GPHN: variants seen among roughly 807,000 people sequenced by gnomAD.
GPHN encodes gephyrin.
GPHN carries 17 observed loss-of-function variants against 95.5 expected under a neutral mutation model. That is an observed-to-expected ratio of 0.18 (90% CI 0.12 to 0.27). GPHN has a LOEUF of 0.27. Among genes scored for constraint, GPHN ranks in the 10% least tolerant of loss-of-function variants. The probability of loss-of-function intolerance (pLI) is 1.00; values close to 1 mark genes in which losing one functional copy is unlikely to be tolerated. For missense variants in GPHN, 660 were observed against 978.1 expected (o/e 0.67, Z 4.34); for synonymous variants, 320 against 322.5 (o/e 0.99, Z 0.08).
At chr14:66,532,314 C>T (rs1275757799) in intron 1 of GPHN, among the ~76,000 whole-genome samples, 2 of 152,124 alleles carry the variant, frequency 1.3e-5, no homozygotes, top group African/African-American at 4.8e-5. Flanking sequence ...CTTTGGTTCT[C>T]CTACATGTGG....
intron 3 of GPHN, among the ~76,000 whole-genome samples, chr14:66,804,783 A>G (rs982273790): frequency 6.6e-6 from 1 of 152,194 alleles, no homozygotes; most frequent in East Asian, 1.9e-4. Context: ...TAAAAGCAGC[A>G]TTTTTATAAT....
chr14:67,442,047 A>G, the GPHN span: 1 of 153,078 alleles, frequency 6.5e-6, no homozygotes, highest in Non-Finnish European at 1.5e-5. Flanking sequence ...TTTTAAAATT[A>G]GAAGAAGATG....
chr14:67,174,063 T>A (rs2082757086), intron 21 of GPHN, among the ~76,000 whole-genome samples: 1 of 152,184 alleles, frequency 6.6e-6, no homozygotes, highest in South Asian at 2.1e-4. Context: ...TTACGAGCCA[T>A]CATTAAGTCA....
the GPHN span, among the ~76,000 whole-genome samples, chr14:67,308,578 C>G: frequency 7.0e-5 from 10 of 141,848 alleles, no homozygotes. Flanking sequence ...CAGAGTTTCA[C>G]TCTGTTGTCC....
At chr14:66,828,933 G>A (rs2061480712) in intron 4 of GPHN, among the ~76,000 whole-genome samples, 1 of 149,858 alleles carries the variant, frequency 6.7e-6, no homozygotes, top group Non-Finnish European at 1.5e-5. Flanking sequence ...TGGTTCATCT[G>A]ATACTTGCAT....
At chr14:67,621,276 T>A in the GPHN span, among the ~76,000 whole-genome samples, 1 of 152,152 alleles carries the variant, frequency 6.6e-6, no homozygotes, top group Non-Finnish European at 1.5e-5. Flanking sequence ...CCCTTAAAAT[T>A]CCATTTTCCT....
At chr14:66,744,312 G>A (rs1305321917) in intron 2 of GPHN, among the ~76,000 whole-genome samples, 1 of 152,108 alleles carries the variant, frequency 6.6e-6, no homozygotes, top group African/African-American at 2.4e-5. Context: ...CCTTTTCTCA[G>A]GGAAGGAAGA....
At chr14:67,577,879 C>T in the GPHN span, 1 of 678,864 alleles carries the variant, frequency 1.5e-6, no homozygotes, top group East Asian at 2.7e-5. Context: ...CAGAGATGCC[C>T]TCCAACAGTA....
intron 10 of GPHN, among the ~76,000 whole-genome samples, chr14:67,042,214 C>T (rs2074744706): frequency 6.6e-6 from 1 of 152,118 alleles, no homozygotes; most frequent in Admixed American, 6.5e-5. Flanking sequence ...TTTTGCTGTG[C>T]AGAAGCTCTT....
At chr14:67,158,792 A>G (rs2081780712) in intron 18 of GPHN, among the ~76,000 whole-genome samples, 1 of 152,186 alleles carries the variant, frequency 6.6e-6, no homozygotes, top group African/African-American at 2.4e-5. Context: ...ACTAGAATAT[A>G]AAGTTGGAGT....
the GPHN span, chr14:67,651,388 A>G: frequency 4.5e-5 from 72 of 1,613,722 alleles, no homozygotes; most frequent in African/African-American, 8.5e-4. Context: ...TAGAAGTTCA[A>G]TGGCTGCGAA....
chr14:67,573,502 G>A, the GPHN span: 9 of 750,366 alleles, frequency 1.2e-5, no homozygotes, highest in East Asian at 2.1e-4. The surrounding 1 kb of genome is among the most constrained non-coding windows in gnomAD (Gnocchi z 4.8). Flanking sequence ...CAAAGGTCTG[G>A]CAGGTGGGGA....
intron 2 of GPHN, among the ~76,000 whole-genome samples, chr14:66,756,067 T>C (rs941950178): frequency 2.6e-5 from 4 of 152,182 alleles, no homozygotes; most frequent in African/African-American, 9.7e-5. Flanking sequence ...CTCCTTTACC[T>C]CTAACCCCAG....
chr14:67,249,680 A>G, the GPHN span, among the ~76,000 whole-genome samples: 1 of 152,210 alleles, frequency 6.6e-6, no homozygotes, highest in African/African-American at 2.4e-5. Flanking sequence ...AATTGGCTTC[A>G]CAATTTGAGA....
At chr14:67,143,590 G>C in intron 18 of GPHN, 141 bp downstream of exon 18, 2 of 721,994 alleles carry the variant, frequency 2.8e-6, no homozygotes, top group Non-Finnish European at 5.1e-6. Flanking sequence ...GAAATTACTG[G>C]TCTCTTTAAA....
chr14:67,129,728 T>C (rs1042068097), intron 17 of GPHN, among the ~76,000 whole-genome samples: 1 of 148,304 alleles, frequency 6.7e-6, no homozygotes, highest in African/African-American at 2.5e-5. Flanking sequence ...TTTCCCCCAA[T>C]AGATGATAGG....
the GPHN span, among the ~76,000 whole-genome samples, chr14:67,672,140 G>A: frequency 3.1e-4 from 45 of 144,638 alleles, 1 homozygote; most frequent in African/African-American, 1.1e-3. Flanking sequence ...TTTTTTTTTG[G>A]GAGAGTCTTG....
the GPHN span, among the ~76,000 whole-genome samples, chr14:67,731,997 G>A: frequency 9.9e-5 from 15 of 151,560 alleles, no homozygotes; most frequent in Non-Finnish European, 1.2e-4. Context: ...CATGTTGGTG[G>A]GTGCCTGTAA....
the GPHN span, among the ~76,000 whole-genome samples, chr14:67,670,773 G>A: frequency 2.0e-5 from 3 of 152,110 alleles, no homozygotes; most frequent in Admixed American, 6.5e-5. Context: ...TGATCCGCCC[G>A]CCTAGGCCTC....
Sources: allele counts gnomAD v4.1 joint callset (sites outside exome capture counted in the v4.1 genomes callset), GRCh38; gene constraint gnomAD v4.1.1; non-coding constraint Gnocchi (gnomAD v3.1); transcripts MANE v1.5; gene names NCBI Gene and HGNC (gene_info 2026-07-23, HGNC 2026-07-21).